The following RNLS variants were observed in gnomAD, a reference collection of about 807,000 sequenced individuals.
RNLS encodes the protein renalase, FAD dependent amine oxidase.
A neutral mutation model predicts 39.8 loss-of-function variants in RNLS; 39 were observed. The observed-to-expected ratio is 0.98, with a 90% CI of 0.76 to 1.28. The LOEUF (loss-of-function observed/expected upper bound fraction) is 1.28. RNLS is among the 50% of genes most tolerant of loss of function. The probability of loss-of-function intolerance (pLI) is 0.00; values close to 1 mark genes in which losing one functional copy is unlikely to be tolerated. For missense variants in RNLS, 410 were observed against 413.3 expected (o/e 0.99, Z 0.07); for synonymous variants, 147 against 150.7 (o/e 0.98, Z 0.18).
chr10:88,204,294 G>T, the RNLS span, among the ~76,000 whole-genome samples: 1 of 152,112 alleles, frequency 6.6e-6, no homozygotes, highest in Admixed American at 6.6e-5. Flanking sequence ...GATAAGCGTC[G>T]TTCAAATGTC....
At chr10:88,362,309 C>A (rs1212880834) in intron 5 of RNLS, among the ~76,000 whole-genome samples, 1 of 152,070 alleles carries the variant, frequency 6.6e-6, no homozygotes, top group Non-Finnish European at 1.5e-5. Context: ...AAATCTTAAA[C>A]CTTCTGACAC....
chr10:88,358,355 C>T (rs1246112573), intron 5 of RNLS, among the ~76,000 whole-genome samples: 2 of 152,126 alleles, frequency 1.3e-5, no homozygotes, highest in African/African-American at 4.8e-5. Context: ...GACATCAAGT[C>T]AGGGTTTCTC....
At chr10:88,515,702 A>C (rs1056060986) in intron 4 of RNLS, among the ~76,000 whole-genome samples, 1 of 152,094 alleles carries the variant, frequency 6.6e-6, no homozygotes, top group Non-Finnish European at 1.5e-5. Context: ...CCTCTAGCCC[A>C]CTGGCTAGCA....
At chr10:88,340,929 C>T (rs576109747) in intron 5 of RNLS, among the ~76,000 whole-genome samples, 77 of 151,468 alleles carry the variant, frequency 5.1e-4, no homozygotes, top group African/African-American at 1.7e-3. Flanking sequence ...CATGGTGGCA[C>T]GTGCCTGTAA....
intron 4 of RNLS, among the ~76,000 whole-genome samples, chr10:88,476,168 C>T (rs1471331467): frequency 6.6e-6 from 1 of 152,068 alleles, no homozygotes; most frequent in African/African-American, 2.4e-5. Flanking sequence ...TATGGAATGC[C>T]TATTAAAATC....
chr10:88,294,696 T>C (rs560798850), intron 6 of RNLS, among the ~76,000 whole-genome samples: 1 of 152,322 alleles, frequency 6.6e-6, no homozygotes, highest in South Asian at 2.1e-4. Context: ...CTATGGGGGC[T>C]GTGTCTTACT....
chr10:88,240,251 C>G, the RNLS span, among the ~76,000 whole-genome samples: 2 of 152,192 alleles, frequency 1.3e-5, no homozygotes, highest in Non-Finnish European at 2.9e-5. Flanking sequence ...TATCCGTATA[C>G]TGAGTAAACT....
At chr10:88,542,280 G>A (rs1056581661) in intron 4 of RNLS, among the ~76,000 whole-genome samples, 2 of 152,076 alleles carry the variant, frequency 1.3e-5, no homozygotes, top group African/African-American at 2.4e-5. Flanking sequence ...GAGTTTTGGT[G>A]AAAAAAGAAT....
At chr10:88,398,133 T>A (rs951201527) in intron 4 of RNLS, among the ~76,000 whole-genome samples, 3 of 152,050 alleles carry the variant, frequency 2.0e-5, no homozygotes, top group African/African-American at 7.2e-5. Context: ...AGACAGTTTG[T>A]TATACTCATA....
At chr10:88,572,813 T>C (rs1849921346) in intron 4 of RNLS, 90 bp downstream of exon 4, 3 of 1,331,454 alleles carry the variant, frequency 2.3e-6, no homozygotes, top group East Asian at 2.4e-5. Context: ...GTCTATCACT[T>C]GTCCTTTGCG....
At chr10:88,484,434 G>C (rs1844374045) in intron 4 of RNLS, among the ~76,000 whole-genome samples, 7 of 152,084 alleles carry the variant, frequency 4.6e-5, no homozygotes, top group Admixed American at 4.6e-4. Context: ...ACTCATCTAT[G>C]ATAATGAGGA....
the RNLS span, among the ~76,000 whole-genome samples, chr10:88,182,770 CA>C: frequency 6.6e-6 from 1 of 151,926 alleles, no homozygotes; most frequent in Non-Finnish European, 1.5e-5. Context: ...TTGTTCTTGA[CA>C]AGTAATTTCA....
chr10:88,204,712 G>A, the RNLS span, among the ~76,000 whole-genome samples: 4 of 152,092 alleles, frequency 2.6e-5, no homozygotes, highest in Non-Finnish European at 5.9e-5. Flanking sequence ...CAGCTAGTGA[G>A]TAACAAGGTT....
chr10:88,472,970 G>A (rs957398107), intron 4 of RNLS, among the ~76,000 whole-genome samples: 1 of 152,144 alleles, frequency 6.6e-6, no homozygotes, highest in Non-Finnish European at 1.5e-5. Context: ...AGAAATATAA[G>A]GCAATTTTGT....
chr10:88,471,948 A>AG (rs1843554627), intron 4 of RNLS, among the ~76,000 whole-genome samples: 3 of 152,204 alleles, frequency 2.0e-5, no homozygotes, highest in Admixed American at 2.0e-4. Flanking sequence ...CCTACCTAAA[A>AG]GAAAAAAAAA....
In RNLS at chr10:88,399,428, C is replaced by A. The variant is rs116885655; in HGVS notation, c.527-36703G>T. Among the ~76,000 whole-genome samples, 123 of 152,004 alleles carry A rather than the reference C, an allele frequency of 8.1e-4. 1 individual carries two copies. The highest frequency in any genetic ancestry group is 3.4e-3 in the Middle Eastern group (1 of 294). On this transcript the variant is annotated intron_variant, in intron 4 of 6. Coordinates refer to ENST00000331772, the MANE Select transcript of RNLS (RefSeq NM_001031709.3). ...GAATGGATAAACAATTACGGTATATCCATACAATGGAATATTATGCAGTCA... is the reference window on the plus strand; with the variant it reads ...GAATGGATAAACAATTACGGTATATACATACAATGGAATATTATGCAGTCA...
intron 6 of RNLS, among the ~76,000 whole-genome samples, chr10:88,304,016 A>C (rs2132976673): frequency 6.6e-6 from 1 of 152,360 alleles, no homozygotes; most frequent in African/African-American, 2.4e-5. Flanking sequence ...TTGAGGAGCC[A>C]GAGAACAAAG....
At chr10:88,375,454 G>A (rs1850910651) in intron 4 of RNLS, among the ~76,000 whole-genome samples, 1 of 152,122 alleles carries the variant, frequency 6.6e-6, no homozygotes, top group South Asian at 2.1e-4. Flanking sequence ...TGTTTTGATT[G>A]TATTGCTCTT....
chr10:88,376,743 C>G (rs1851031871), intron 4 of RNLS, among the ~76,000 whole-genome samples: 1 of 152,122 alleles, frequency 6.6e-6, no homozygotes, highest in Non-Finnish European at 1.5e-5. Context: ...AAATCTTCCC[C>G]TACATACCAT....
Sources: gnomAD v4.1 joint callset for allele counts (sites outside exome capture counted in the v4.1 genomes callset) on GRCh38, gnomAD v4.1.1 for gene constraint, MANE v1.5 for transcripts, NCBI Gene and HGNC (gene_info 2026-07-23, HGNC 2026-07-21) for gene names.